DLG2: variants seen among roughly 807,000 people sequenced by gnomAD.
The protein encoded by DLG2 is discs large MAGUK scaffold protein 2.
DLG2 carries 45 observed loss-of-function variants against 132.5 expected under a neutral mutation model. That is an observed-to-expected ratio of 0.34 (90% CI 0.27 to 0.44). The LOEUF (loss-of-function observed/expected upper bound fraction) is 0.44, where lower values mean the gene tolerates loss of function less well. Ranked by LOEUF, DLG2 falls within the 20% of genes least tolerant of loss-of-function variation. The pLI is 1.00. For missense variants in DLG2, 1,045 were observed against 1,196.9 expected, an observed-to-expected ratio of 0.87 and a Z score of 1.87; for synonymous variants, 424 against 419.6, an observed-to-expected ratio of 1.01 and a Z score of -0.13.
At chr11:84,638,827 T>C (rs748313058) in intron 6 of DLG2, among the ~76,000 whole-genome samples, 2 of 152,170 alleles carry the variant, frequency 1.3e-5, no homozygotes, top group Non-Finnish European at 2.9e-5. Flanking sequence ...AATTAGAGTG[T>C]TGGTCAACAT....
intron 6 of DLG2, among the ~76,000 whole-genome samples, chr11:84,570,282 T>C (rs567256288): frequency 6.6e-6 from 1 of 152,318 alleles, no homozygotes; most frequent in East Asian, 1.9e-4. Context: ...ATCTGGCTTA[T>C]TCTTGTTCAA....
chr11:84,670,002 C>A (rs746076354), intron 6 of DLG2, among the ~76,000 whole-genome samples: 5 of 152,118 alleles, frequency 3.3e-5, no homozygotes, highest in African/African-American at 4.8e-5. Flanking sequence ...TAGAAAGAAC[C>A]AGAAGAAGTT....
intron 15 of DLG2, among the ~76,000 whole-genome samples, chr11:83,885,024 C>G (rs901738786): frequency 2.6e-5 from 4 of 152,172 alleles, no homozygotes; most frequent in Non-Finnish European, 5.9e-5. Flanking sequence ...ACTGGAAACT[C>G]TAAAAAGCAG....
intron 6 of DLG2, among the ~76,000 whole-genome samples, chr11:84,643,174 A>C (rs1238269424): frequency 6.6e-6 from 1 of 152,104 alleles, no homozygotes; most frequent in Non-Finnish European, 1.5e-5. Flanking sequence ...AGGCTGTGCT[A>C]GTTACTTGGG....
At chr11:83,589,988 A>T (rs1442545290) in intron 19 of DLG2, among the ~76,000 whole-genome samples, 1 of 139,862 alleles carries the variant, frequency 7.1e-6, no homozygotes, top group Non-Finnish European at 1.5e-5. Context: ...CAGATTCATA[A>T]AGCAAGTCCT....
intron 7 of DLG2, among the ~76,000 whole-genome samples, chr11:84,401,616 T>C (rs1162943191): frequency 6.6e-6 from 1 of 152,148 alleles, no homozygotes. Flanking sequence ...AGCTCACTTC[T>C]GGCAGAAGAC....
intron 7 of DLG2, among the ~76,000 whole-genome samples, chr11:84,285,679 G>A (rs1199731036): frequency 6.6e-6 from 1 of 152,166 alleles, no homozygotes; most frequent in Non-Finnish European, 1.5e-5. Context: ...GGAAACAAAA[G>A]TAGGCCCAGC....
At chr11:85,461,175 C>T (rs904452999) in intron 3 of DLG2, among the ~76,000 whole-genome samples, 17 of 152,254 alleles carry the variant, frequency 1.1e-4, no homozygotes, top group Non-Finnish European at 2.4e-4. Flanking sequence ...CTGTAGAGTA[C>T]ATATATATTA....
chr11:84,655,229 T>G (rs2099686790), intron 6 of DLG2, among the ~76,000 whole-genome samples: 2 of 152,160 alleles, frequency 1.3e-5, no homozygotes, highest in South Asian at 4.1e-4. Flanking sequence ...CAATCTCCTT[T>G]CATTTCATAT....
chr11:84,580,848 A>G (rs2099514658), intron 6 of DLG2, among the ~76,000 whole-genome samples: 1 of 152,174 alleles, frequency 6.6e-6, no homozygotes, highest in African/African-American at 2.4e-5. Flanking sequence ...TTCAGTTGTT[A>G]CCTGCTGCCT....
chr11:83,887,638 C>T (rs1169948765), intron 15 of DLG2, among the ~76,000 whole-genome samples: 1 of 151,800 alleles, frequency 6.6e-6, no homozygotes, highest in Non-Finnish European at 1.5e-5. Flanking sequence ...CAGGCAGAGA[C>T]ACAAACAAAA....
intron 3 of DLG2, among the ~76,000 whole-genome samples, chr11:85,334,321 T>G (rs545200323): frequency 6.6e-6 from 1 of 152,120 alleles, no homozygotes; most frequent in African/African-American, 2.4e-5. Flanking sequence ...ATCTTCTCTC[T>G]TTTTTTATTT....
intron 4 of DLG2, among the ~76,000 whole-genome samples, chr11:85,242,602 C>T (rs576453650): frequency 1.3e-5 from 2 of 151,838 alleles, no homozygotes; most frequent in East Asian, 1.9e-4. Flanking sequence ...CTTTCAACAA[C>T]CTAATCCATT....
At chr11:83,775,724 T>C (rs2094554605) in intron 18 of DLG2, among the ~76,000 whole-genome samples, 1 of 151,836 alleles carries the variant, frequency 6.6e-6, no homozygotes. Flanking sequence ...CATTATTCTT[T>C]TTTTTTTTTT....
chr11:85,539,574 T>A (rs1394292856), intron 3 of DLG2, among the ~76,000 whole-genome samples: 1 of 152,210 alleles, frequency 6.6e-6, no homozygotes, highest in Non-Finnish European at 1.5e-5. Context: ...AGCTAGTTAC[T>A]GATGATAGCT....
At chr11:84,273,086 C>A in intron 7 of DLG2, 29 of 1,324,248 alleles carry the variant, frequency 2.2e-5, no homozygotes, top group Non-Finnish European at 2.7e-5. Flanking sequence ...TCTATAGATA[C>A]AACAGGAGAA....
At chr11:83,558,426 C>T (rs1044128651) in intron 19 of DLG2, among the ~76,000 whole-genome samples, 1 of 151,894 alleles carries the variant, frequency 6.6e-6, no homozygotes, top group Non-Finnish European at 1.5e-5. Context: ...CTTAGTCTAC[C>T]TGTTATCTGT....
At chr11:84,502,566 T>G (rs964726490) in intron 7 of DLG2, among the ~76,000 whole-genome samples, 3 of 151,166 alleles carry the variant, frequency 2.0e-5, no homozygotes, top group African/African-American at 7.3e-5. Flanking sequence ...TGGCTAATTT[T>G]TTGTATTTTT....
intron 7 of DLG2, among the ~76,000 whole-genome samples, chr11:84,463,718 A>G (rs2099086539): frequency 6.6e-6 from 1 of 151,262 alleles, no homozygotes; most frequent in Non-Finnish European, 1.5e-5. Flanking sequence ...TGTTTGATGT[A>G]CAATGAATGC....
Sources: allele counts gnomAD v4.1 joint callset (sites outside exome capture counted in the v4.1 genomes callset), GRCh38; gene constraint gnomAD v4.1.1; transcripts MANE v1.5; gene names NCBI Gene and HGNC (gene_info 2026-07-23, HGNC 2026-07-21).